Variants in KCNMB2 observed in about 807,000 individuals in gnomAD.
KCNMB2 encodes the protein potassium calcium-activated channel subfamily M regulatory beta subunit 2.
KCNMB2 carries 9 observed loss-of-function variants against 24.5 expected under a neutral mutation model. The observed-to-expected ratio is 0.37, with a 90% confidence interval of 0.22 to 0.64. KCNMB2 has a LOEUF of 0.64. KCNMB2 is among the 30% of genes least tolerant of loss of function. The pLI, the probability that KCNMB2 is intolerant of heterozygous loss-of-function variation, is 0.63. For synonymous variants in KCNMB2, 109 were observed against 104.4 expected (o/e 1.04, Z -0.27); for missense variants, 226 against 284.3 (o/e 0.79, Z 1.47).
intron 1 of KCNMB2, among the ~76,000 whole-genome samples, chr3:178,577,569 C>T (rs546650080): frequency 2.0e-4 from 31 of 152,244 alleles, no homozygotes; most frequent in African/African-American, 6.0e-4. Context: ...TAACAAACTC[C>T]TCCGAGCTAA....
intron 1 of KCNMB2, among the ~76,000 whole-genome samples, chr3:178,566,608 TG>T (rs1242072210): frequency 6.6e-6 from 1 of 152,222 alleles, no homozygotes; most frequent in Non-Finnish European, 1.5e-5. Context: ...CTCTGTTTTT[TG>T]TTTTGAACCC....
chr3:178,539,956 C>T (rs1715562683), intron 1 of KCNMB2, among the ~76,000 whole-genome samples: 1 of 152,126 alleles, frequency 6.6e-6, no homozygotes, highest in South Asian at 2.1e-4. Flanking sequence ...TTCCCGTATA[C>T]AGAGCTCTCA....
chr3:178,721,900 C>T (rs1722818691), intron 1 of KCNMB2, among the ~76,000 whole-genome samples: 1 of 152,130 alleles, frequency 6.6e-6, no homozygotes, highest in South Asian at 2.1e-4. Flanking sequence ...TCTGTTCAAG[C>T]CATTTACCCA....
Position 178,832,568 on chromosome 3 carries a change from G to A in KCNMB2, c.423+4195G>A, listed in dbSNP as rs981453068. On this transcript the variant is annotated intron_variant, in intron 4 of 4. Transcript: ENST00000452583. ...TCTGGGACTCCAGTTGGCCACATAC[G>A]AGGTTTTCTCATTGTATCCCCTACA... is the stretch of plus-strand genomic sequence containing the variant. 1.6e-4 allele frequency among the ~76,000 whole-genome samples: 13 copies of A among 80,574 alleles called. 5 individuals carry two copies. Among genetic ancestry groups the A allele is most frequent in the Admixed American group, 1.3e-3 (13 of 9,692 alleles). The allele number at this position is 80,574 out of a possible 152,430, so 52.9% of individuals were successfully genotyped here.
intron 1 of KCNMB2, among the ~76,000 whole-genome samples, chr3:178,561,506 T>C (rs1252030477): frequency 2.0e-5 from 3 of 152,192 alleles, no homozygotes; most frequent in Non-Finnish European, 4.4e-5. Context: ...ACTGACCTTT[T>C]CACGCCTAAA....
chr3:178,584,062 G>C (rs1348392022), intron 1 of KCNMB2, among the ~76,000 whole-genome samples: 1 of 152,202 alleles, frequency 6.6e-6, no homozygotes, highest in Admixed American at 6.5e-5. Context: ...CAAGGGCACT[G>C]GCAAAGGAGA....
intron 1 of KCNMB2, among the ~76,000 whole-genome samples, chr3:178,730,656 C>A (rs889182001): frequency 6.6e-6 from 1 of 152,110 alleles, no homozygotes; most frequent in East Asian, 1.9e-4. Flanking sequence ...CTCAATCCTG[C>A]CAACTTCTTC....
intron 1 of KCNMB2, among the ~76,000 whole-genome samples, chr3:178,567,853 G>A (rs1190327128): frequency 6.6e-6 from 1 of 152,082 alleles, no homozygotes. Context: ...TGTGATCTTG[G>A]TTAAGTTGCT....
intron 1 of KCNMB2, among the ~76,000 whole-genome samples, chr3:178,605,749 T>C (rs965386924): frequency 4.6e-5 from 7 of 152,230 alleles, no homozygotes; most frequent in Non-Finnish European, 8.8e-5. Context: ...AGTGTTTATG[T>C]TCTAGTGCTT....
chr3:178,815,444 T>G (rs1179572541), intron 2 of KCNMB2, among the ~76,000 whole-genome samples: 4 of 152,162 alleles, frequency 2.6e-5, no homozygotes, highest in Non-Finnish European at 5.9e-5. Context: ...TATTAATAAT[T>G]TATCTATAGA....
chr3:178,678,122 G>A (rs551245418), intron 1 of KCNMB2, among the ~76,000 whole-genome samples: 1 of 152,296 alleles, frequency 6.6e-6, no homozygotes, highest in Non-Finnish European at 1.5e-5. Flanking sequence ...GGGAGTTATG[G>A]CTTATGGAAC....
chr3:178,675,479 C>T (rs1219596353), intron 1 of KCNMB2, among the ~76,000 whole-genome samples: 2 of 152,172 alleles, frequency 1.3e-5, no homozygotes, highest in African/African-American at 4.8e-5. Flanking sequence ...GAACTGCTGA[C>T]ACACCTGCTC....
intron 1 of KCNMB2, among the ~76,000 whole-genome samples, chr3:178,602,881 T>C (rs1022329498): frequency 6.6e-6 from 1 of 152,208 alleles, no homozygotes; most frequent in Non-Finnish European, 1.5e-5. Flanking sequence ...ATGACACAGA[T>C]GCAGCTGGTC....
At chr3:178,781,872 G>A (rs1712862709) in intron 1 of KCNMB2, among the ~76,000 whole-genome samples, 1 of 147,360 alleles carries the variant, frequency 6.8e-6, no homozygotes, top group Admixed American at 6.8e-5. Context: ...CATGTGCCAT[G>A]CTGGTGCGCT....
intron 1 of KCNMB2, among the ~76,000 whole-genome samples, chr3:178,720,708 G>C (rs2108358280): frequency 7.4e-6 from 1 of 135,382 alleles, no homozygotes; most frequent in East Asian, 2.1e-4. Context: ...TTGTGGTTTT[G>C]ATTTGCATTT....
intron 1 of KCNMB2, among the ~76,000 whole-genome samples, chr3:178,547,151 G>A (rs574204506): frequency 6.6e-6 from 1 of 152,276 alleles, no homozygotes; most frequent in Non-Finnish European, 1.5e-5. Context: ...AAATGGACGA[G>A]TTGGGCCCCC....
At chr3:178,709,383 T>C (rs1178339530) in intron 1 of KCNMB2, among the ~76,000 whole-genome samples, 5 of 152,208 alleles carry the variant, frequency 3.3e-5, no homozygotes, top group Non-Finnish European at 5.9e-5. Flanking sequence ...AGTCTTGAAT[T>C]AAACTTCTAG....
intron 4 of KCNMB2, among the ~76,000 whole-genome samples, chr3:178,834,304 CACTA>C (rs1437342136): frequency 7.2e-5 from 11 of 152,166 alleles, no homozygotes; most frequent in Admixed American, 5.9e-4. Flanking sequence ...GTTACACATT[CACTA>C]ACTAATTATG....
chr3:178,790,901 G>A (rs1713296610), intron 1 of KCNMB2, among the ~76,000 whole-genome samples: 1 of 152,232 alleles, frequency 6.6e-6, no homozygotes, highest in Non-Finnish European at 1.5e-5. Context: ...GTGTTACTGG[G>A]CTTGAGGTAT....
Sources: allele counts gnomAD v4.1 joint callset (sites outside exome capture counted in the v4.1 genomes callset), GRCh38; gene constraint gnomAD v4.1.1; transcripts MANE v1.5; gene names NCBI Gene and HGNC (gene_info 2026-07-23, HGNC 2026-07-21).